Variants in UMODL1 observed in about 807,000 individuals in gnomAD.
UMODL1 encodes the protein uromodulin-like 1.
Under a neutral mutation model 136.3 loss-of-function variants are expected in UMODL1, and 128 were observed. The observed-to-expected ratio is 0.94, with a 90% confidence interval of 0.81 to 1.09. The LOEUF (loss-of-function observed/expected upper bound fraction) is 1.09, where lower values mean the gene tolerates loss of function less well. UMODL1 is among the 50% of genes least tolerant of loss of function. UMODL1 has a pLI of 0.00. For missense variants in UMODL1, 1,766 were observed against 1,725.6 expected (o/e 1.02, Z -0.41); for synonymous variants, 721 against 720.0 (o/e 1.00, Z -0.02).
At chr21:42,118,692 G>T (rs220145) in intron 14 of UMODL1, among the ~76,000 whole-genome samples, 2 of 151,988 alleles carry the variant, frequency 1.3e-5, no homozygotes, top group African/African-American at 4.8e-5. Flanking sequence ...AGAAGGCAGC[G>T]GGAAGTGGTC....
chr21:42,111,397 T>C, intron 11 of UMODL1, 109 bp from the exon 12 acceptor site: 1 of 1,612,784 alleles, frequency 6.2e-7, no homozygotes, highest in Non-Finnish European at 8.5e-7. Flanking sequence ...GCCCCAGCCA[T>C]AGGAACACTA....
intron 9 of UMODL1, among the ~76,000 whole-genome samples, chr21:42,107,030 A>G (rs1405769187): frequency 1.3e-5 from 2 of 152,108 alleles, no homozygotes; most frequent in Non-Finnish European, 2.9e-5. Context: ...CTCATCTAGG[A>G]AGGTCTCCTA....
rs758560433 is a variant in UMODL1, at chr21:42,109,601, C to T, written c.1559C>T (p.Ser520Leu). The T allele has an allele frequency of 8.2e-5, 132 of 1,611,462 alleles. 1 individual carries two copies. The highest frequency in any genetic ancestry group is 1.1e-4 in the Non-Finnish European group (125 of 1,180,026). Residue 520 changes from serine (S) to leucine (L), a missense_variant, in exon 10 of 23, where the codon TCA becomes TTA. Physicochemically the swap from Ser to Leu is moderately radical, Grantham distance 145. Coordinates refer to ENST00000408910, the MANE Select transcript of UMODL1 (RefSeq NM_001004416.3). Reference protein sequence around the residue: ...ECVDSAEHDCSPAAWCINLEG... With the variant: ...ECVDSAEHDCLPAAWCINLEG... ...GTGGACAGCGCGGAACACGACTGCT[C>T]ACCGGCTGCCTGGTGCATCAACCTG...
chr21:42,080,842 G>T (rs1264295060), intron 2 of UMODL1, among the ~76,000 whole-genome samples: 1 of 152,232 alleles, frequency 6.6e-6, no homozygotes, highest in African/African-American at 2.4e-5. Context: ...TTTCATGCCT[G>T]TGAACATGAC....
At chr21:42,069,823 A>G (rs902692217), upstream of UMODL1, among the ~76,000 whole-genome samples, 3 of 152,268 alleles carry the variant, frequency 2.0e-5, no homozygotes, top group African/African-American at 7.2e-5. Context: ...AGATTTACTT[A>G]AATCATAATA....
rs767813112 is a variant in UMODL1, at chr21:42,111,571, C to T, written c.1965C>T (p.His655=). ...CCCCTACTGAGGACCCCACCGGCCA[C>T]TTCCTGTGGCATGCCACCCGTTCCA... is the stretch of plus-strand genomic sequence containing the variant. ...WPSPTEDPTG[H]FLWHATRSTR... The change falls in exon 12 of 23, where the codon CAC becomes CAT. Residue 655 remains histidine, a synonymous_variant. Transcript: ENST00000408910. The T allele has an allele frequency of 2.5e-6, 4 of 1,614,086 alleles. No individual in the cohort carries two copies. The African/African-American group carries it at 4.0e-5, about 16-fold the overall frequency.
Position 42,101,636 on chromosome 21 carries a change from C to T in UMODL1, c.1187-530C>T, listed in dbSNP as rs2066634802. 22 of 437,116 alleles carry T rather than the reference C, an allele frequency of 5.0e-5. 1 individual carries two copies. Among genetic ancestry groups the T allele is most frequent in the South Asian group, 3.3e-4 (20 of 61,430 alleles). The allele number at this position is 437,116 out of a possible 1,614,324, so 27.1% of individuals were successfully genotyped here. A position where few individuals can be genotyped will look rare whatever the true frequency, so the allele number is the denominator to read the frequency against. On this transcript the variant is annotated intron_variant, in intron 7 of 22. Transcript: ENST00000408910. ...CCGTGTCCCATCTTGAAGCTTTTTT[C>T]CATCTTTGCTTATGCCCCAAAATAA... is the stretch of plus-strand genomic sequence containing the variant.
At chr21:42,066,951 G>C (rs1008780029), upstream of UMODL1, among the ~76,000 whole-genome samples, 6 of 150,906 alleles carry the variant, frequency 4.0e-5, no homozygotes, top group Non-Finnish European at 8.8e-5. Flanking sequence ...GGTTTCCTGG[G>C]TTTAGAGCAC....
chr21:42,105,997 C>T (rs186794772), intron 9 of UMODL1, among the ~76,000 whole-genome samples: 4 of 152,360 alleles, frequency 2.6e-5, no homozygotes, highest in East Asian at 1.9e-4. Flanking sequence ...GGCAGGGTCC[C>T]GGGCAGGCTG....
At chr21:42,108,505 T>G (rs2066756745) in intron 9 of UMODL1, 1 of 416,380 alleles carries the variant, frequency 2.4e-6, no homozygotes, top group African/African-American at 2.0e-5. Flanking sequence ...CTCAGAGCAC[T>G]CAGCAGCAGG....
intron 9 of UMODL1, among the ~76,000 whole-genome samples, chr21:42,109,063 G>A (rs187025147): frequency 1.1e-5 from 1 of 92,978 alleles, no homozygotes; most frequent in African/African-American, 4.8e-5. Flanking sequence ...GTGGAAAGCT[G>A]GTGTTATACT....
At chr21:42,104,430 CTTTTT>C in intron 9 of UMODL1, among the ~76,000 whole-genome samples, 1 of 151,374 alleles carries the variant, frequency 6.6e-6, no homozygotes, top group South Asian at 2.1e-4. Context: ...TTTTTCTTTT[CTTTTT>C]TTTCTTTTTC....
At chr21:42,108,427 G>C (rs1465966415) in intron 9 of UMODL1, 1 of 479,328 alleles carries the variant, frequency 2.1e-6, no homozygotes, top group African/African-American at 2.0e-5. Flanking sequence ...CGAGCTTGCT[G>C]TTCTCCAGGG....
Position 42,127,679 on chromosome 21 carries a change from G to A in UMODL1, c.3538G>A (p.Val1180Met), listed in dbSNP as rs765010548. 118 of 1,613,398 alleles carry A rather than the reference G, an allele frequency of 7.3e-5. No individual in the cohort carries two copies. Among genetic ancestry groups the A allele is most frequent in the Admixed American group, 1.2e-4 (7 of 59,850 alleles). The change falls in exon 20 of 23, where the codon GTG becomes ATG. Residue 1180 changes from valine (V) to methionine (M), a missense_variant. By Grantham distance (21) the Val-to-Met change is conservative. Transcript: ENST00000408910. ...CATTTCCTCTCTTCTCAGCTGCCCT[G>A]TGCCCAACACATACACCAACGTGAT... The part of the protein sequence containing the change: ...TFSFINNSCP[V>M]PNTYTNVIEN...
chr21:42,093,481 A>T (rs2066517131), intron 6 of UMODL1: 1 of 162,232 alleles, frequency 6.2e-6, no homozygotes, highest in South Asian at 1.7e-4. Context: ...GGCCTCACAA[A>T]GCGCTGGGAT....
intron 21 of UMODL1, 81 bp downstream of exon 21, chr21:42,129,878 CTG>C (rs764179824): frequency 2.6e-6 from 3 of 1,132,208 alleles, no homozygotes; most frequent in Non-Finnish European, 3.7e-6. Context: ...AAAAAAGTAA[CTG>C]TTGTGAAATG....
At position 42,123,380 on chromosome 21, in the gene UMODL1, G is replaced by C. The variant is rs1008926891; in HGVS notation, c.3147+230G>C. On this transcript the variant is annotated intron_variant, in intron 17 of 22. Transcript: ENST00000408910. This position sits in a 1 kb window ranked among gnomAD's most constrained non-coding sequence, Gnocchi z 4.4. ...ACTCTGGTGCAGAGTGCTGGGGCAG[G>C]CTTCAGAGTCACGGCTTAAAACTCC... Among the ~76,000 whole-genome samples, 51 of 152,212 alleles carry C rather than the reference G, an allele frequency of 3.4e-4. No homozygotes were observed. The highest frequency in any genetic ancestry group is 1.1e-3 in the African/African-American group (46 of 41,444).
chr21:42,101,561 C>G (rs939390080), intron 7 of UMODL1: 2 of 370,866 alleles, frequency 5.4e-6, no homozygotes, highest in African/African-American at 2.1e-5. Context: ...CCCGCCGACG[C>G]TTGGGTTGTG....
Position 42,099,085 on chromosome 21 carries a change from C to T in UMODL1, c.1091C>T (p.Ala364Val), listed in dbSNP as rs770819525. The stretch of plus-strand genomic sequence containing the variant: ...GCCAGGACACAGAGCCAGGCACTGG[C>T]AGTGGCTGGGCTGGAGGCTGGAGTG... Reference protein sequence around the residue: ...RSARTQSQALAVAGLEAGVLY... With the variant: ...RSARTQSQALVVAGLEAGVLY... The change falls in exon 7 of 23, where the codon GCA becomes GTA. Residue 364 changes from alanine to valine, a missense_variant. Transcript: ENST00000408910. This position sits in a 1 kb window ranked among gnomAD's most constrained non-coding sequence, Gnocchi z 4.1. 1.6e-5 allele frequency: 26 copies of T among 1,614,196 alleles called. 1 individual carries two copies. The Middle Eastern group carries it at 8.3e-4, about 51-fold the overall frequency.
Sources: allele counts gnomAD v4.1 joint callset (sites outside exome capture counted in the v4.1 genomes callset), GRCh38; gene constraint gnomAD v4.1.1; non-coding constraint Gnocchi (gnomAD v3.1); transcripts MANE v1.5; gene names NCBI Gene and HGNC (gene_info 2026-07-23, HGNC 2026-07-21).